The following ZNF33B variants were observed in gnomAD, a reference collection of about 807,000 sequenced individuals.
ZNF33B encodes zinc finger protein 33B.
ZNF33B carries 29 observed loss-of-function variants against 45.8 expected under a neutral mutation model. The ratio of observed to expected loss-of-function variants is 0.63; its 90% CI spans 0.47 to 0.86. The LOEUF (loss-of-function observed/expected upper bound fraction) is 0.86. Among genes scored for constraint, ZNF33B ranks in the 40% least tolerant of loss-of-function variants. The pLI is 0.00. For synonymous variants in ZNF33B, 305 were observed against 307.8 expected, an observed-to-expected ratio of 0.99 and a Z score of 0.10; for missense variants, 831 against 909.9, an observed-to-expected ratio of 0.91 and a Z score of 1.12.
chr10:42,634,805 A>C (rs1240232117), intron 2 of ZNF33B, among the ~76,000 whole-genome samples: 1 of 152,272 alleles, frequency 6.6e-6, no homozygotes, highest in African/African-American at 2.4e-5. Context: ...TGTGAATGCC[A>C]AAACAATAAA....
chr10:42,599,346 T>C (rs1837530025), intron 4 of ZNF33B, among the ~76,000 whole-genome samples: 1 of 152,094 alleles, frequency 6.6e-6, no homozygotes, highest in African/African-American at 2.4e-5. Flanking sequence ...TCTACTATTA[T>C]ATGGATTTGT....
rs1837140574 is a variant in ZNF33B at position 42,591,886 on chromosome 10, T to A, written c.*727A>T. On this transcript the variant is annotated 3_prime_UTR_variant, in exon 5 of 5. Coordinates refer to ENST00000359467, the MANE Select transcript of ZNF33B (RefSeq NM_006955.3). The stretch of plus-strand genomic sequence containing the variant: ...CTCCTTTTCCATTCTGTAAACTAAT[T>A]GTGTTGATGGTTACTCAAATGTAAA... 6.6e-6 allele frequency: 1 copy of A among 152,228 alleles called. No homozygotes were observed. The highest frequency in any genetic ancestry group is 2.1e-4 in the South Asian group (1 of 4,828). The allele number at this position is 152,228 out of a possible 1,614,324, so 9.4% of individuals were successfully genotyped here. A position where few individuals can be genotyped will look rare whatever the true frequency, so the allele number is the denominator to read the frequency against.
intron 4 of ZNF33B, among the ~76,000 whole-genome samples, chr10:42,628,487 A>T (rs1286984227): frequency 6.6e-6 from 1 of 152,162 alleles, no homozygotes; most frequent in Non-Finnish European, 1.5e-5. Flanking sequence ...CAACTCAATC[A>T]GTTTTGTTTT....
rs902655154 is a variant in ZNF33B, at chr10:42,607,362, T to C, written c.251-12663A>G. ...ACATAAACAAACATAGAGAGTGGAA[T>C]GAGAGACACTGGAGACTTGGAGGGG... On this transcript the variant is annotated intron_variant, in intron 4 of 4. Coordinates refer to ENST00000359467, the MANE Select transcript of ZNF33B (RefSeq NM_006955.3). 1.1e-4 allele frequency among the ~76,000 whole-genome samples: 16 copies of C among 141,276 alleles called. No individual in the cohort carries two copies. The Admixed American group carries it at 1.2e-3, about 10-fold the overall frequency. The allele number at this position is 141,276 out of a possible 152,430, so 92.7% of individuals were successfully genotyped here.
chr10:42,618,657 C>T (rs1838435278), intron 4 of ZNF33B, among the ~76,000 whole-genome samples: 1 of 152,178 alleles, frequency 6.6e-6, no homozygotes, highest in Non-Finnish European at 1.5e-5. Context: ...TATGACGTGT[C>T]TGGGTATAAG....
chr10:42,580,974 A>G (rs895370866), intron 1 of ZNF33B, among the ~76,000 whole-genome samples: 8 of 152,186 alleles, frequency 5.3e-5, no homozygotes, highest in Non-Finnish European at 1.2e-4. Flanking sequence ...AAAGATCACA[A>G]TCACACCAGG....
At chr10:42,608,530 T>C (rs1219667682) in intron 4 of ZNF33B, among the ~76,000 whole-genome samples, 1 of 151,532 alleles carries the variant, frequency 6.6e-6, no homozygotes, top group Non-Finnish European at 1.5e-5. Context: ...AATTATATAA[T>C]ACATTCCAAA....
At position 42,590,014 on chromosome 10, in the gene ZNF33B, T is replaced by C. The variant is rs1837046469; in HGVS notation, c.*2599A>G. On this transcript the variant is annotated 3_prime_UTR_variant, in exon 5 of 5. Transcript: ENST00000359467. ...GGTTTTATCATGAATGGATATTGGA[T>C]TTTGTCAAATGCTTTTTCTGTACCT... is the stretch of plus-strand genomic sequence containing the variant. The C allele has an allele frequency of 6.6e-6, 1 of 152,232 alleles. No individual in the cohort carries two copies. The highest frequency in any genetic ancestry group is 2.1e-4 in the South Asian group (1 of 4,832). 9.4% of individuals were successfully genotyped at this position (152,232 alleles called of 1,614,324 possible). A position where few individuals can be genotyped will look rare whatever the true frequency, so the allele number is the denominator to read the frequency against.
intron 4 of ZNF33B, among the ~76,000 whole-genome samples, chr10:42,628,758 C>T (rs1235776638): frequency 6.6e-6 from 1 of 151,972 alleles, no homozygotes; most frequent in Non-Finnish European, 1.5e-5. Flanking sequence ...AGAACGCCAC[C>T]GATCATACAC....
intron 2 of ZNF33B, among the ~76,000 whole-genome samples, chr10:42,634,433 A>G (rs1304957620): frequency 6.6e-6 from 1 of 152,158 alleles, no homozygotes; most frequent in Non-Finnish European, 1.5e-5. Context: ...AAATTTATAT[A>G]TAGGTTCAAT....
exon 2 of ZNF33B, chr10:42,574,503 T>C (rs1216068122): frequency 6.6e-6 from 1 of 152,162 alleles, no homozygotes; most frequent in African/African-American, 2.4e-5. Flanking sequence ...CACATACACT[T>C]ATTTGCCTTC....
At chr10:42,631,258 T>G (rs1392055656) in intron 4 of ZNF33B, among the ~76,000 whole-genome samples, 1 of 152,122 alleles carries the variant, frequency 6.6e-6, no homozygotes, top group Non-Finnish European at 1.5e-5. Context: ...CAGGCTAGAG[T>G]GCAGTGGTGC....
intron 1 of ZNF33B, among the ~76,000 whole-genome samples, chr10:42,579,156 A>T (rs1443016045): frequency 6.6e-6 from 1 of 152,152 alleles, no homozygotes; most frequent in Non-Finnish European, 1.5e-5. Context: ...CATCCTAATG[A>T]CCACCCTTTG....
chr10:42,597,156 G>A (rs1174304448), intron 4 of ZNF33B, among the ~76,000 whole-genome samples: 1 of 152,006 alleles, frequency 6.6e-6, no homozygotes, highest in Non-Finnish European at 1.5e-5. Flanking sequence ...CGCATATGTT[G>A]AAATGGTCAT....
At chr10:42,579,454 T>G (rs546246651) in intron 1 of ZNF33B, among the ~76,000 whole-genome samples, 124 of 152,358 alleles carry the variant, frequency 8.1e-4, no homozygotes, top group African/African-American at 2.9e-3. Flanking sequence ...GAGTTGTTTG[T>G]GTGTAATGTT....
chr10:42,619,395 T>TA (rs748595527), intron 4 of ZNF33B, among the ~76,000 whole-genome samples: 12 of 152,210 alleles, frequency 7.9e-5, no homozygotes, highest in Middle Eastern at 3.4e-3. Context: ...CTCTAGCTGG[T>TA]AAAACTGTCC....
rs1212551283 is a variant in ZNF33B, at chr10:42,590,018, G to A, written c.*2595C>T. ...TTATCATGAATGGATATTGGATTTTGTCAAATGCTTTTTCTGTACCTATTG... is the reference window on the plus strand; with the variant it reads ...TTATCATGAATGGATATTGGATTTTATCAAATGCTTTTTCTGTACCTATTG... On this transcript the variant is annotated 3_prime_UTR_variant, in exon 5 of 5. Transcript: ENST00000359467. The A allele has an allele frequency of 4.6e-5, 7 of 152,152 alleles. No homozygotes were observed. The highest frequency in any genetic ancestry group is 7.4e-5 in the Non-Finnish European group (5 of 68,016). 9.4% of individuals were successfully genotyped at this position (152,152 alleles called of 1,614,324 possible). A position where few individuals can be genotyped will look rare whatever the true frequency, so the allele number is the denominator to read the frequency against.
intron 4 of ZNF33B, among the ~76,000 whole-genome samples, chr10:42,617,596 G>T (rs1313563695): frequency 6.6e-6 from 1 of 152,028 alleles, no homozygotes; most frequent in East Asian, 1.9e-4. Flanking sequence ...TGTATATTTA[G>T]TTCTATAAAT....
At chr10:42,594,975 T>G (rs1307332590) in intron 4 of ZNF33B, among the ~76,000 whole-genome samples, 2 of 152,184 alleles carry the variant, frequency 1.3e-5, no homozygotes, top group East Asian at 1.9e-4. Flanking sequence ...GTAAGAAGAA[T>G]AATAGCAACT....
Sources: allele counts gnomAD v4.1 joint callset (sites outside exome capture counted in the v4.1 genomes callset), GRCh38; gene constraint gnomAD v4.1.1; transcripts MANE v1.5; gene names NCBI Gene and HGNC (gene_info 2026-07-23, HGNC 2026-07-21).